GPC6: variants seen among roughly 807,000 people sequenced by gnomAD.
GPC6 encodes glypican-6.
A neutral mutation model predicts 55.2 loss-of-function variants in GPC6; 14 were observed. The ratio of observed to expected loss-of-function variants is 0.25; its 90% CI spans 0.17 to 0.40. The LOEUF (loss-of-function observed/expected upper bound fraction) is 0.40, where lower values mean the gene tolerates loss of function less well. Among genes scored for constraint, GPC6 ranks in the 10% least tolerant of loss-of-function variants. GPC6 has a pLI of 1.00. For synonymous variants in GPC6, 278 were observed against 259.6 expected, an observed-to-expected ratio of 1.07 and a Z score of -0.68; for missense variants, 641 against 708.5, an observed-to-expected ratio of 0.90 and a Z score of 1.08.
chr13:94,170,417 G>A (rs1055136007), intron 4 of GPC6, among the ~76,000 whole-genome samples: 1 of 152,194 alleles, frequency 6.6e-6, no homozygotes, highest in African/African-American at 2.4e-5. Flanking sequence ...GTTGGGCTGA[G>A]TGGTGAGGTT....
intron 1 of GPC6, among the ~76,000 whole-genome samples, chr13:93,427,747 G>A (rs1265325131): frequency 6.6e-6 from 1 of 152,070 alleles, no homozygotes; most frequent in Non-Finnish European, 1.5e-5. Flanking sequence ...CCCTAGCACA[G>A]CAATAGCCTC....
intron 4 of GPC6, among the ~76,000 whole-genome samples, chr13:94,193,862 G>T (rs1369535704): frequency 6.6e-6 from 1 of 152,168 alleles, no homozygotes; most frequent in Non-Finnish European, 1.5e-5. Flanking sequence ...GTGAGGTTGA[G>T]CTTTTGGCGG....
intron 2 of GPC6, among the ~76,000 whole-genome samples, chr13:93,569,265 G>T (rs1876284982): frequency 2.0e-5 from 3 of 152,046 alleles, no homozygotes; most frequent in Admixed American, 2.0e-4. Context: ...AAAAAAGAGG[G>T]TTAACACAAT....
chr13:93,664,059 A>G (rs1347884213), intron 2 of GPC6, among the ~76,000 whole-genome samples: 1 of 152,204 alleles, frequency 6.6e-6, no homozygotes, highest in Non-Finnish European at 1.5e-5. Context: ...GTGTTATTTT[A>G]TATGGTTCTG....
intron 1 of GPC6, among the ~76,000 whole-genome samples, chr13:93,301,856 T>C (rs1030373849): frequency 3.3e-5 from 5 of 152,246 alleles, no homozygotes; most frequent in Middle Eastern, 3.4e-3. Context: ...TTGATGTCTA[T>C]AAATGGTGGA....
intron 3 of GPC6, among the ~76,000 whole-genome samples, chr13:93,926,308 T>C (rs1877854337): frequency 6.6e-6 from 1 of 152,076 alleles, no homozygotes; most frequent in South Asian, 2.1e-4. Context: ...TTAAACATGC[T>C]CCACACATAA....
intron 1 of GPC6, among the ~76,000 whole-genome samples, chr13:93,488,404 A>C (rs1425934845): frequency 6.6e-6 from 1 of 152,158 alleles, no homozygotes; most frequent in African/African-American, 2.4e-5. Context: ...AGTCTTTGCT[A>C]TTGTGAATAG....
At chr13:93,916,095 G>A in intron 3 of GPC6, among the ~76,000 whole-genome samples, 1 of 152,074 alleles carries the variant, frequency 6.6e-6, no homozygotes, top group East Asian at 1.9e-4. Flanking sequence ...AGAGGGACCT[G>A]CTCAGTTTCT....
intron 6 of GPC6, among the ~76,000 whole-genome samples, chr13:94,378,711 T>C (rs968779708): frequency 6.6e-6 from 1 of 152,192 alleles, no homozygotes; most frequent in East Asian, 1.9e-4. Flanking sequence ...TAACAGTAGT[T>C]GTTGTTTAAC....
chr13:93,991,805 A>G (rs1428228008), intron 3 of GPC6, among the ~76,000 whole-genome samples: 1 of 152,186 alleles, frequency 6.6e-6, no homozygotes, highest in Non-Finnish European at 1.5e-5. Context: ...CACCTACAGG[A>G]TAATGGATGT....
intron 1 of GPC6, among the ~76,000 whole-genome samples, chr13:93,446,703 G>A (rs1168235671): frequency 6.6e-6 from 1 of 152,160 alleles, no homozygotes; most frequent in Non-Finnish European, 1.5e-5. Context: ...GTAACAATGT[G>A]ACTGAAAGAT....
At chr13:93,571,767 A>G (rs1876418066) in intron 2 of GPC6, among the ~76,000 whole-genome samples, 1 of 152,122 alleles carries the variant, frequency 6.6e-6, no homozygotes, top group African/African-American at 2.4e-5. Flanking sequence ...GCCTTTGCTT[A>G]TATAGGTATT....
intron 6 of GPC6, among the ~76,000 whole-genome samples, chr13:94,376,489 C>T (rs924186016): frequency 2.6e-5 from 4 of 152,032 alleles, no homozygotes. Context: ...ATCCAACTTA[C>T]AAGGGATATG....
At chr13:94,248,748 C>A (rs58579729) in intron 4 of GPC6, among the ~76,000 whole-genome samples, 7,373 of 152,092 alleles carry the variant, frequency 0.048, 235 homozygotes, top group African/African-American at 0.075. Flanking sequence ...CATGCTCACA[C>A]ACATCGCCAG....
At chr13:94,266,146 C>CTTTTCTTTTTTTTTT (rs1891794846) in intron 4 of GPC6, among the ~76,000 whole-genome samples, 5 of 105,398 alleles carry the variant, frequency 4.7e-5, no homozygotes, top group African/African-American at 1.9e-4. Context: ...CTTTACTTTT[C>CTTTTCTTTTTTTTTT]TTTTCTTTTT....
chr13:93,301,883 C>T (rs906095737), intron 1 of GPC6, among the ~76,000 whole-genome samples: 57 of 152,108 alleles, frequency 3.7e-4, no homozygotes, highest in Non-Finnish European at 7.4e-5. Flanking sequence ...TGGAGCAACA[C>T]GTGAAGAGCC....
chr13:93,980,046 T>C (rs7988953), intron 3 of GPC6, among the ~76,000 whole-genome samples: 3,098 of 152,244 alleles, frequency 0.02, 115 homozygotes, highest in African/African-American at 0.072. Context: ...TTTTCCACTA[T>C]GCTAAATGGA....
intron 2 of GPC6, among the ~76,000 whole-genome samples, chr13:93,712,410 G>C (rs1002073997): frequency 2.0e-5 from 3 of 151,486 alleles, no homozygotes; most frequent in African/African-American, 7.3e-5. Context: ...CAGTAGGGTG[G>C]GAAAATCAAT....
chr13:94,327,307 G>A (rs1332641647), intron 6 of GPC6, among the ~76,000 whole-genome samples: 1 of 152,068 alleles, frequency 6.6e-6, no homozygotes, highest in Non-Finnish European at 1.5e-5. Flanking sequence ...GGAATTTCGT[G>A]GAGATGATTA....
Sources: allele counts gnomAD v4.1 joint callset (sites outside exome capture counted in the v4.1 genomes callset), GRCh38; gene constraint gnomAD v4.1.1; transcripts MANE v1.5; gene names NCBI Gene and HGNC (gene_info 2026-07-23, HGNC 2026-07-21).